IL9R: variants seen among roughly 807,000 people sequenced by gnomAD.
IL9R encodes interleukin 9 receptor, also known as interleukin-9 receptor.
IL9R carries 54 observed loss-of-function variants against 56.3 expected under a neutral mutation model. The ratio of observed to expected loss-of-function variants is 0.96; its 90% CI spans 0.77 to 1.20. The LOEUF (loss-of-function observed/expected upper bound fraction) is 1.20. Among genes scored for constraint, IL9R ranks in the 50% most tolerant of loss-of-function variants. The pLI, the probability that IL9R is intolerant of heterozygous loss-of-function variation, is 0.00. For synonymous variants in IL9R, 212 were observed against 250.2 expected (o/e 0.85, Z 1.44); for missense variants, 545 against 629.8 (o/e 0.87, Z 1.44).
chrX:156,010,128 A>C lies in IL9R; in HGVS notation c.1285A>C (p.Ser429Arg), dbSNP rs1456110295. 2.5e-6 allele frequency: 4 copies of C among 1,582,400 alleles called. No homozygotes were observed. The highest frequency in any genetic ancestry group is 1.7e-5 in the Admixed American group (1 of 58,090). Residue 429 changes from serine (S) to arginine (R), a missense_variant, in exon 9 of 9, where the codon AGC (serine) becomes CGC (arginine). By Grantham distance (110) the Ser-to-Arg change is moderately radical (BLOSUM62 -1). This residue lies in a region of IL9R where 114 missense variants were observed against 269.8 expected (regional missense o/e 0.42). Coordinates refer to ENST00000244174, the MANE Select transcript of IL9R (RefSeq NM_002186.3). The stretch of plus-strand genomic sequence containing the variant: ...GCCGGCTCCCCCAGACTCAGAGGGC[A>C]GCAGGAGCAGCAGCAGCAGCAGCAG... ...TRPAPPDSEG[S>R]RSSSSSSSSN...
chrX:156,004,685 C>G, intron 5 of IL9R, 120 bp downstream of exon 5: 1 of 1,022,616 alleles, frequency 9.8e-7, no homozygotes, highest in South Asian at 1.5e-5. Context: ...GGAACTAGAG[C>G]GGGGTGTGTG....
At chrX:156,005,013 A>G (rs1201182612) in intron 5 of IL9R, among the ~76,000 whole-genome samples, 7 of 151,956 alleles carry the variant, frequency 4.6e-5, no homozygotes, top group Non-Finnish European at 1.0e-4. Flanking sequence ...GTGTGCATGC[A>G]AGTGTGATGA....
At chrX:156,008,694 G>A (rs1261228395) in intron 8 of IL9R, among the ~76,000 whole-genome samples, 2 of 152,202 alleles carry the variant, frequency 1.3e-5, no homozygotes, top group Non-Finnish European at 2.9e-5. Context: ...GAGCACTGCA[G>A]TGATGGAGGG....
intron 5 of IL9R, 55 bp from the exon 6 acceptor site, chrX:156,005,223 G>A: frequency 3.5e-6 from 5 of 1,446,964 alleles, no homozygotes; most frequent in Non-Finnish European, 2.9e-6. Context: ...TATTCTCGAG[G>A]GCTGAGGGAC....
At chrX:156,001,765 G>A (rs1417602053) in intron 1 of IL9R, among the ~76,000 whole-genome samples, 2 of 152,138 alleles carry the variant, frequency 1.3e-5, no homozygotes, top group African/African-American at 4.8e-5. Context: ...TGGGGTGATA[G>A]GGCGTCAGCG....
At chrX:156,009,246 G>A (rs868689378) in intron 8 of IL9R, among the ~76,000 whole-genome samples, 1 of 35,808 alleles carries the variant, frequency 2.8e-5, no homozygotes, top group South Asian at 1.5e-3. Flanking sequence ...CGTGTGGTGT[G>A]TGTGTCTGTG....
At chrX:156,002,714 T>A (rs2067615838) in intron 1 of IL9R, among the ~76,000 whole-genome samples, 192 bp from the exon 2 acceptor site, 1 of 152,220 alleles carries the variant, frequency 6.6e-6, no homozygotes, top group Admixed American at 6.5e-5. Context: ...ATGGCCTTTC[T>A]GAGCTCAGTT....
intron 1 of IL9R, chrX:156,001,441 G>A (rs745929064): frequency 6.2e-7 from 1 of 1,611,374 alleles, no homozygotes; most frequent in South Asian, 1.1e-5. Flanking sequence ...CACTGCTGCA[G>A]AGAACTTGCC....
rs182632135 is a variant in IL9R at position 156,001,572 on chromosome X, G to A, written c.29-1334G>A. On this transcript the variant is annotated intron_variant, in intron 1 of 8. Transcript: ENST00000244174. ...CCTATGGGTACCTGTATACGCTGCC[G>A]GGAGTGGGGCAGAGTGGGGTTAGAG... The A allele has an allele frequency of 4.9e-4, 568 of 1,167,384 alleles. 2 individuals carry two copies. In the East Asian group the frequency reaches 6.5e-3, roughly 13 times the overall value. The allele number at this position is 1,167,384 out of a possible 1,614,324, so 72.3% of individuals were successfully genotyped here.
At chrX:156,005,544 A>G in intron 6 of IL9R, 65 bp downstream of exon 6, 1 of 1,371,964 alleles carries the variant, frequency 7.3e-7, no homozygotes, top group East Asian at 2.3e-5. Context: ...TCCCCTGTTC[A>G]CCTCAGCCCT....
chrX:156,000,713 C>G (rs901796209), intron 1 of IL9R, among the ~76,000 whole-genome samples: 165 of 152,324 alleles, frequency 1.1e-3, no homozygotes, highest in Non-Finnish European at 1.8e-3. Context: ...TCTGCCCTGA[C>G]TGCCTGGCCC....
intron 3 of IL9R, 24 bp from the exon 4 acceptor site, chrX:156,003,653 G>C (rs753622892): frequency 6.2e-7 from 1 of 1,612,280 alleles, no homozygotes; most frequent in South Asian, 1.1e-5. Flanking sequence ...GCAGCCCCGT[G>C]GTGCTGACAA....
rs768187259 is a variant in IL9R at position 156,003,734 on chromosome X, C to A, written c.312C>A (p.Val104=). Residue 104 remains valine, a synonymous_variant, in exon 4 of 9, where the codon GTC becomes GTA. Coordinates refer to ENST00000244174, the MANE Select transcript of IL9R (RefSeq NM_002186.3). ...TCTTGCGGGGCAGTGAGTGCACCGT[C>A]GTGCTGCCACCTGAGGCAGTGCTCG... ...KCILRGSECT[V]VLPPEAVLVP... 6.2e-7 allele frequency: 1 copy of A among 1,613,880 alleles called. No homozygotes were observed. Among genetic ancestry groups the A allele is most frequent in the Non-Finnish European group, 8.5e-7 (1 of 1,179,834 alleles).
Position 156,003,464 on chromosome X carries a change from C to A in IL9R, c.158C>A (p.Thr53Asn). The change falls in exon 3 of 9, where the codon ACC becomes AAC. Residue 53 changes from threonine to asparagine, a missense_variant. Coordinates refer to ENST00000244174, the MANE Select transcript of IL9R (RefSeq NM_002186.3). ...CTGTCTCCAGGGCCAAGGTCTAGAACCTTCACCTGCCTCACCAACAACATT... is the reference window on the plus strand; with the variant it reads ...CTGTCTCCAGGGCCAAGGTCTAGAAACTTCACCTGCCTCACCAACAACATT... ...TGEGQGPRSR[T>N]FTCLTNNILR... 3 of 1,611,664 alleles carry A rather than the reference C, an allele frequency of 1.9e-6. No individual in the cohort carries two copies. The highest frequency in any genetic ancestry group is 2.5e-6 in the Non-Finnish European group (3 of 1,179,530).
chrX:155,998,295 G>A (rs1286976894), intron 1 of IL9R, among the ~76,000 whole-genome samples: 2 of 151,982 alleles, frequency 1.3e-5, no homozygotes, highest in Admixed American at 6.6e-5. Context: ...CTGTGTGTGG[G>A]GCAGCAGGTG....
At chrX:156,003,608 C>G (rs757913920) in intron 3 of IL9R, 48 bp downstream of exon 3, 1 of 1,609,556 alleles carries the variant, frequency 6.2e-7, no homozygotes, top group Non-Finnish European at 8.5e-7. Flanking sequence ...AGGGTGAGTT[C>G]CCCAGGATTG....
chrX:156,008,823 G>A (rs1476034895), intron 8 of IL9R, among the ~76,000 whole-genome samples: 7 of 152,214 alleles, frequency 4.6e-5, no homozygotes, highest in East Asian at 3.8e-4. Flanking sequence ...GGCCATAGCC[G>A]AGTGCTTTGA....
At chrX:155,999,522 C>G (rs1166211744) in intron 1 of IL9R, among the ~76,000 whole-genome samples, 1 of 152,112 alleles carries the variant, frequency 6.6e-6, no homozygotes, top group Non-Finnish European at 1.5e-5. Flanking sequence ...CCTGCCCATC[C>G]CTACCCCTGT....
intron 8 of IL9R, among the ~76,000 whole-genome samples, chrX:156,009,270 GTGTGTA>G (rs2068298268): frequency 4.8e-5 from 6 of 125,258 alleles, no homozygotes; most frequent in Admixed American, 2.3e-4. Flanking sequence ...GTGTGTTTGT[GTGTGTA>G]TGTCTGTGTG....
Sources: allele counts gnomAD v4.1 joint callset (sites outside exome capture counted in the v4.1 genomes callset), GRCh38; gene constraint gnomAD v4.1.1; regional missense constraint gnomAD v4.1.1; transcripts MANE v1.5; gene names NCBI Gene and HGNC (gene_info 2026-07-23, HGNC 2026-07-21).